Variants in SARS1 observed in about 807,000 individuals in gnomAD.
SARS1 encodes the protein seryl-tRNA synthetase 1, also known as serine--tRNA ligase, cytoplasmic.
Under a neutral mutation model 63.7 loss-of-function variants are expected in SARS1, and 25 were observed. That is an observed-to-expected ratio of 0.39 (90% CI 0.29 to 0.55). The LOEUF is 0.55. SARS1 is among the 20% of genes least tolerant of loss of function. The probability of loss-of-function intolerance (pLI) is 0.62; values close to 1 mark genes in which losing one functional copy is unlikely to be tolerated. For missense variants in SARS1, 417 were observed against 649.7 expected (o/e 0.64, Z 3.89); for synonymous variants, 231 against 243.5 (o/e 0.95, Z 0.48).
rs569991358 is a variant in SARS1, at chr1:109,228,346, C to T, written c.208-6C>T. 2 of 1,605,464 alleles carry T rather than the reference C, an allele frequency of 1.2e-6. No individual in the cohort carries two copies. The highest frequency in any genetic ancestry group is 1.7e-5 in the Admixed American group (1 of 58,466). Reference sequence around the variant, plus strand: ...TATTTGTGTTGGGTTTTTTTCCTTCCTGCAGAAAAAAGAGCCAGTGGGAGA... The same window carrying T: ...TATTTGTGTTGGGTTTTTTTCCTTCTTGCAGAAAAAAGAGCCAGTGGGAGA... On this transcript the variant is annotated splice_region_variant and splice_polypyrimidine_tract_variant and intron_variant, in intron 2 of 10. Transcript: ENST00000234677.
At chr1:109,226,701 C>CATATATATATATATATATAT (rs61204287) in intron 2 of SARS1, among the ~76,000 whole-genome samples, 928 of 69,748 alleles carry the variant, frequency 0.013, 17 homozygotes, top group Non-Finnish European at 0.017. Flanking sequence ...TATATATACA[C>CATATATATATATATATATAT]ACACACACAC....
At chr1:109,223,000 G>A (rs1654983298) in intron 1 of SARS1, among the ~76,000 whole-genome samples, 1 of 152,204 alleles carries the variant, frequency 6.6e-6, no homozygotes, top group Non-Finnish European at 1.5e-5. Context: ...AGGTGACAGA[G>A]TGAGACCCTG....
At chr1:109,216,519 T>A (rs1654792556) in intron 1 of SARS1, 1 of 985,350 alleles carries the variant, frequency 1.0e-6, no homozygotes, top group South Asian at 4.7e-5. Flanking sequence ...GCAAATAGAT[T>A]TCCATGTAAC....
intron 1 of SARS1, chr1:109,216,556 T>C (rs1654793345): frequency 5.1e-6 from 5 of 985,198 alleles, no homozygotes; most frequent in African/African-American, 1.7e-5. Context: ...ACCCCAAGAA[T>C]TTTATCCTCC....
At chr1:109,227,771 T>C (rs971764600) in intron 2 of SARS1, among the ~76,000 whole-genome samples, 3 of 151,492 alleles carry the variant, frequency 2.0e-5, no homozygotes, top group Non-Finnish European at 4.4e-5. Flanking sequence ...AAAAAAAAAT[T>C]AGCCAGACGT....
chr1:109,224,978 G>C (rs1199020247), intron 2 of SARS1, among the ~76,000 whole-genome samples: 1 of 152,098 alleles, frequency 6.6e-6, no homozygotes, highest in Middle Eastern at 3.2e-3. Flanking sequence ...GGCGGCCTGT[G>C]CCTGTAGTTC....
chr1:109,217,630 A>G (rs1570752689), intron 1 of SARS1, among the ~76,000 whole-genome samples: 3 of 151,798 alleles, frequency 2.0e-5, no homozygotes, highest in Non-Finnish European at 2.9e-5. Context: ...GCATGATCAC[A>G]GCTCACTGCA....
intron 1 of SARS1, among the ~76,000 whole-genome samples, chr1:109,223,653 A>G (rs1441592007): frequency 1.3e-5 from 2 of 152,100 alleles, no homozygotes; most frequent in African/African-American, 4.8e-5. Flanking sequence ...AAAACACAAA[A>G]ATTAGCCGAG....
At chr1:109,223,633 G>A (rs778943666) in intron 1 of SARS1, among the ~76,000 whole-genome samples, 3 of 152,092 alleles carry the variant, frequency 2.0e-5, no homozygotes, top group Non-Finnish European at 2.9e-5. Context: ...GTGAAACCCC[G>A]TCTCTTCCAA....
Position 109,236,939 on chromosome 1 carries a change from G to A in SARS1, c.1258-305G>A. ...CTACTCTTTTCCAAGTCAGGTGCTT[G>A]AAAGGGGTGAAAAGGAAAGGCCACA... On this transcript the variant is annotated intron_variant, in intron 9 of 10. Transcript: ENST00000234677. 2.0e-6 allele frequency: 3 copies of A among 1,518,478 alleles called. No individual in the cohort carries two copies. The South Asian group carries it at 3.8e-5, about 19-fold the overall frequency. 94.1% of individuals were successfully genotyped at this position (1,518,478 alleles called of 1,614,324 possible).
At position 109,235,200 on chromosome 1, in the gene SARS1, C is replaced by G. The variant is rs1655284188; in HGVS notation, c.748-10C>G. 1 of 1,609,882 alleles carries G rather than the reference C, an allele frequency of 6.2e-7. No individual in the cohort carries two copies. The highest frequency in any genetic ancestry group is 1.3e-5 in the African/African-American group (1 of 74,842). Reference sequence around the variant, plus strand: ...TTCCTCTTAACTGGTATAGCTCCTTCCTTCCACAGGTGATTGGCAAAGGCA... The same window carrying G: ...TTCCTCTTAACTGGTATAGCTCCTTGCTTCCACAGGTGATTGGCAAAGGCA... On this transcript the variant is annotated splice_polypyrimidine_tract_variant and intron_variant, in intron 6 of 10. Transcript: ENST00000234677. This position sits in a 1 kb window ranked among gnomAD's most constrained non-coding sequence, Gnocchi z 4.7.
intron 1 of SARS1, among the ~76,000 whole-genome samples, chr1:109,221,425 C>G (rs1351664972): frequency 6.6e-6 from 1 of 152,092 alleles, no homozygotes; most frequent in Non-Finnish European, 1.5e-5. Flanking sequence ...ACAAGTATGT[C>G]TCTTATCACC....
chr1:109,222,282 A>G (rs1654966558), intron 1 of SARS1, among the ~76,000 whole-genome samples: 1 of 152,000 alleles, frequency 6.6e-6, no homozygotes, highest in Non-Finnish European at 1.5e-5. Flanking sequence ...GTTTTCCCCA[A>G]TGATAACATC....
At chr1:109,219,984 G>C (rs1424084854) in intron 1 of SARS1, among the ~76,000 whole-genome samples, 1 of 152,102 alleles carries the variant, frequency 6.6e-6, no homozygotes, top group Admixed American at 6.5e-5. Flanking sequence ...TACCGGTTGA[G>C]GGCATTATGA....
chr1:109,221,075 T>TTC (rs1436012422), intron 1 of SARS1, among the ~76,000 whole-genome samples: 2 of 151,526 alleles, frequency 1.3e-5, no homozygotes, highest in Non-Finnish European at 2.9e-5. Flanking sequence ...TTTTTTTTTT[T>TTC]TCTTGAGACA....
At chr1:109,216,263 G>A (rs904851667) in intron 1 of SARS1, 1 of 985,158 alleles carries the variant, frequency 1.0e-6, no homozygotes, top group Non-Finnish European at 1.2e-6. Flanking sequence ...CCTAATTGAG[G>A]ACACATAGCA....
chr1:109,229,605 T>A, intron 4 of SARS1, 33 bp downstream of exon 4: 2 of 1,599,060 alleles, frequency 1.3e-6, no homozygotes, highest in Non-Finnish European at 1.7e-6. Flanking sequence ...GAGGCTGCCT[T>A]AGGTCGCTGC....
At chr1:109,225,879 A>T (rs542077423) in intron 2 of SARS1, among the ~76,000 whole-genome samples, 1 of 152,210 alleles carries the variant, frequency 6.6e-6, no homozygotes, top group Non-Finnish European at 1.5e-5. Flanking sequence ...TCTTGCAAAC[A>T]TATCACCCTG....
intron 2 of SARS1, among the ~76,000 whole-genome samples, chr1:109,226,485 A>G (rs1443888620): frequency 6.8e-6 from 1 of 146,502 alleles, no homozygotes; most frequent in Non-Finnish European, 1.5e-5. Context: ...TCAAGTAACT[A>G]GGACTATAGA....
Sources: allele counts gnomAD v4.1 joint callset (sites outside exome capture counted in the v4.1 genomes callset), GRCh38; gene constraint gnomAD v4.1.1; non-coding constraint Gnocchi (gnomAD v3.1); transcripts MANE v1.5; gene names NCBI Gene and HGNC (gene_info 2026-07-23, HGNC 2026-07-21).